AOX1: variants seen among roughly 807,000 people sequenced by gnomAD.
The protein encoded by AOX1 is aldehyde oxidase 1.
A neutral mutation model predicts 169.5 loss-of-function variants in AOX1; 153 were observed. The ratio of observed to expected loss-of-function variants is 0.90; its 90% CI spans 0.79 to 1.03. The LOEUF is 1.03. Among genes scored for constraint, AOX1 ranks in the 50% least tolerant of loss-of-function variants. AOX1 has a pLI of 0.00. For synonymous variants in AOX1, 562 were observed against 581.9 expected, an observed-to-expected ratio of 0.97 and a Z score of 0.49; for missense variants, 1,656 against 1,663.9, an observed-to-expected ratio of 1.00 and a Z score of 0.08.
rs760794916 is a variant in AOX1, at chr2:200,603,350, A to G, written c.582A>G (p.Gly194=). Residue 194 remains glycine (G), a synonymous_variant, in exon 7 of 35, where the codon GGA becomes GGG. Coordinates refer to ENST00000374700, the MANE Select transcript of AOX1 (RefSeq NM_001159.4). ...GINGLPEFEE[G]SKTSPKLFAE... is the part of the protein sequence containing the mutation. The stretch of plus-strand genomic sequence containing the variant: ...ATGGATTGCCAGAATTTGAGGAAGG[A>G]AGTAAGGTCAGTGAAATGTAAAGCT... 2 of 1,612,740 alleles carry G rather than the reference A, an allele frequency of 1.2e-6. No individual in the cohort carries two copies. The highest frequency in any genetic ancestry group is 3.3e-5 in the Admixed American group (2 of 60,008).
At chr2:200,662,798 A>G (rs1406527883) in intron 30 of AOX1, 57 bp from the exon 31 acceptor site, 4 of 1,399,546 alleles carry the variant, frequency 2.9e-6, no homozygotes, top group Non-Finnish European at 4.1e-6. Context: ...CTGTTTAGTC[A>G]TCATGGTCTG....
At chr2:200,588,227 G>A (rs556305288) in intron 1 of AOX1, 1 of 152,676 alleles carries the variant, frequency 6.5e-6, no homozygotes, top group African/African-American at 2.4e-5. Context: ...CATCTGGGGA[G>A]ACAGCATCCA....
In AOX1 at chr2:200,670,805, G is replaced by A. The variant is rs1484530183; in HGVS notation, c.*126G>A. The A allele has an allele frequency of 1.4e-5, 10 of 716,812 alleles. No individual in the cohort carries two copies. Among genetic ancestry groups the A allele is most frequent in the Non-Finnish European group, 2.1e-5 (9 of 428,338 alleles). The allele number at this position is 716,812 out of a possible 1,614,324, so 44.4% of individuals were successfully genotyped here. A position where few individuals can be genotyped will look rare whatever the true frequency, so the allele number is the denominator to read the frequency against. On this transcript the variant is annotated 3_prime_UTR_variant, in exon 35 of 35. Transcript: ENST00000374700. ...CACAGTTCAGAAATCATCCCACAGT[G>A]TTGCTTTTCTATGGAGCTGATTTAA...
At chr2:200,620,857 T>C in intron 17 of AOX1, 38 bp downstream of exon 17, 1 of 1,566,746 alleles carries the variant, frequency 6.4e-7, no homozygotes, top group Non-Finnish European at 8.6e-7. Context: ...GCATAAATGA[T>C]TGTCTTTTCA....
intron 1 of AOX1, among the ~76,000 whole-genome samples, chr2:200,592,320 C>A (rs1198472097): frequency 6.6e-6 from 1 of 152,190 alleles, no homozygotes; most frequent in African/African-American, 2.4e-5. Flanking sequence ...AGCATATGTC[C>A]ACTCCTCACC....
chr2:200,649,195 C>A (rs1186434948), intron 25 of AOX1, among the ~76,000 whole-genome samples: 1 of 151,982 alleles, frequency 6.6e-6, no homozygotes, highest in Admixed American at 6.6e-5. Flanking sequence ...GGTCCCCCGC[C>A]CCCTCCGCCC....
In AOX1 at chr2:200,662,203, G is replaced by A. The variant is rs549172818; in HGVS notation, c.3428+572G>A. ...GGTTTGATCACTTTGCCATTGGTGC[G>A]GGACCTGGGCACTGACTGCCTGTCA... On this transcript the variant is annotated intron_variant, in intron 30 of 34. Coordinates refer to ENST00000374700, the MANE Select transcript of AOX1 (RefSeq NM_001159.4). 5.9e-5 allele frequency among the ~76,000 whole-genome samples: 9 copies of A among 152,290 alleles called. No homozygotes were observed. In the South Asian group the frequency reaches 1.5e-3, roughly 25 times the overall value.
In AOX1 at chr2:200,612,608, G is replaced by C. The variant is rs777743902; in HGVS notation, c.1264-1G>C. 1.2e-6 allele frequency: 2 copies of C among 1,613,040 alleles called. No homozygotes were observed. The highest frequency in any genetic ancestry group is 1.3e-5 in the African/African-American group (1 of 74,912). ...ATGTGCCACTTAACTGTTTCTTTCA[G>C]TGGGAATTTGTGTCAGCCTTCCGAC... On this transcript the variant is annotated splice_acceptor_variant, in intron 13 of 34. Transcript: ENST00000374700. LOFTEE classifies it high-confidence loss of function.
chr2:200,600,286 G>A (rs2034382355), intron 5 of AOX1, among the ~76,000 whole-genome samples: 1 of 152,094 alleles, frequency 6.6e-6, no homozygotes, highest in African/African-American at 2.4e-5. Context: ...TCCACATGCT[G>A]CTCCCTCACC....
chr2:200,635,909 G>A (rs1352090717), intron 21 of AOX1, among the ~76,000 whole-genome samples: 2 of 152,070 alleles, frequency 1.3e-5, no homozygotes, highest in Non-Finnish European at 2.9e-5. Context: ...AGGGTCAGAC[G>A]AACTCCATTC....
chr2:200,636,937 C>T lies in AOX1; in HGVS notation c.2373C>T (p.Leu791=). 6.2e-7 allele frequency: 1 copy of T among 1,613,974 alleles called. No homozygotes were observed. The highest frequency in any genetic ancestry group is 1.1e-5 in the South Asian group (1 of 91,070). ...ACATTGTTGCCTCAACCTTGAAGCT[C>T]CCAGCTAACAAGGTCATGTGCCATG... ...IQDIVASTLK[L]PANKVMCHVR... The change falls in exon 22 of 35, where the codon CTC becomes CTT. Residue 791 remains leucine (L), a synonymous_variant. Coordinates refer to ENST00000374700, the MANE Select transcript of AOX1 (RefSeq NM_001159.4).
intron 21 of AOX1, among the ~76,000 whole-genome samples, chr2:200,635,878 G>A (rs2035219333): frequency 1.3e-5 from 2 of 152,100 alleles, no homozygotes; most frequent in African/African-American, 2.4e-5. Context: ...ATGAGGCCTC[G>A]TAAAAGGCAG....
rs763411021 is a variant in AOX1, at chr2:200,620,783, C to T, written c.1838C>T (p.Thr613Ile). ...MPLVDQELFL[T>I]FVTSSRAHAK... ...CTGGTGGACCAGGAACTTTTCTTGA[C>T]TTTTGTGACTAGTTCAAGAGCTCAT... The change falls in exon 17 of 35, where the codon ACT becomes ATT. Residue 613 changes from threonine (T) to isoleucine (I), a missense_variant. Thr to Ile is a moderately conservative substitution (Grantham distance 89, BLOSUM62 -1). Coordinates refer to ENST00000374700, the MANE Select transcript of AOX1 (RefSeq NM_001159.4). The T allele has an allele frequency of 6.2e-7, 1 of 1,606,360 alleles. No homozygotes were observed. The highest frequency in any genetic ancestry group is 8.5e-7 in the Non-Finnish European group (1 of 1,177,936).
rs1231014628 is a variant in AOX1 at position 200,676,613 on chromosome 2, AAAAGAAGAAG to A, written c.487-262_487-253del. 2.0e-4 allele frequency among the ~76,000 whole-genome samples: 31 copies of A among 151,746 alleles called. No individual in the cohort carries two copies. In the Middle Eastern group the frequency reaches 0.014, roughly 67 times the overall value. On this transcript the variant is annotated intron_variant, in intron 4 of 4. Coordinates refer to the AOX1 transcript ENST00000439380. ...AGACTACATCTCAAAAAAAAAAAAA[AAAAGAAGAAG>A]AAGAAGAAGAAGAAGATAGCTTATT...
intron 28 of AOX1, 133 bp from the exon 29 acceptor site, chr2:200,659,862 C>CA: frequency 1.5e-6 from 1 of 654,128 alleles, no homozygotes; most frequent in South Asian, 1.9e-5. Context: ...ATATCACCTT[C>CA]ATACAGGGTT....
chr2:200,666,627 GCTT>G, intron 31 of AOX1, 57 bp from the exon 32 acceptor site: 2 of 1,304,388 alleles, frequency 1.5e-6, no homozygotes, highest in African/African-American at 1.5e-5. Flanking sequence ...GTGTTCCTCA[GCTT>G]CTTCTCCCTA....
At chr2:200,670,074 A>G (rs1377121671) in intron 34 of AOX1, among the ~76,000 whole-genome samples, 1 of 152,052 alleles carries the variant, frequency 6.6e-6, no homozygotes, top group African/African-American at 2.4e-5. Context: ...CTATGCCCTG[A>G]ACCTAGGACA....
chr2:200,676,839 C>G (rs1162621148), intron 4 of AOX1: 1 of 455,146 alleles, frequency 2.2e-6, no homozygotes, highest in South Asian at 1.6e-5. Flanking sequence ...ATACAAATGG[C>G]CCCGGAAGCT....
chr2:200,660,524 A>G (rs188312457), intron 29 of AOX1, among the ~76,000 whole-genome samples: 3 of 152,326 alleles, frequency 2.0e-5, no homozygotes, highest in Admixed American at 2.0e-4. Flanking sequence ...TCATCCAGTA[A>G]TAGGTACTCA....
Sources: gnomAD v4.1 joint callset for allele counts (sites outside exome capture counted in the v4.1 genomes callset) on GRCh38, gnomAD v4.1.1 for gene constraint, MANE v1.5 for transcripts, NCBI Gene and HGNC (gene_info 2026-07-23, HGNC 2026-07-21) for gene names.